Variants in GBA1 observed in about 807,000 individuals in gnomAD.
GBA1 encodes the protein lysosomal acid glucosylceramidase.
chr1:155,242,468 T>C, the GBA1 span, among the ~76,000 whole-genome samples: 2 of 151,628 alleles, frequency 1.3e-5, no homozygotes, highest in Admixed American at 6.6e-5. Context: ...GGTGATCTGC[T>C]GCCTTGGTAT....
At chr1:155,240,238 C>T in the GBA1 span, 30 of 661,848 alleles carry the variant, frequency 4.5e-5, no homozygotes, top group African/African-American at 2.1e-4. Flanking sequence ...CCGAGGTGGG[C>T]GGATCACCTG....
chr1:155,237,413 G>A, the GBA1 span: 1 of 1,614,004 alleles, frequency 6.2e-7, no homozygotes, highest in Non-Finnish European at 8.5e-7. Flanking sequence ...GGTGAGTACT[G>A]TTGGCGAGGG....
At chr1:155,236,128 C>T in the GBA1 span, 2 of 946,498 alleles carry the variant, frequency 2.1e-6, no homozygotes, top group Non-Finnish European at 3.4e-6. Context: ...CCCAGAGTTG[C>T]TCAAAAGGGC....
chr1:155,235,377 TCACC>T, the GBA1 span: 1 of 1,597,580 alleles, frequency 6.3e-7, no homozygotes, highest in Admixed American at 1.8e-5. Context: ...ATCTAAGAAG[TCACC>T]CACCCACGGA....
the GBA1 span, chr1:155,235,854 G>T: frequency 6.2e-7 from 1 of 1,614,238 alleles, no homozygotes; most frequent in Non-Finnish European, 8.5e-7. Context: ...TCTAGGGTAA[G>T]GACAAAGGCA....
the GBA1 span, among the ~76,000 whole-genome samples, chr1:155,241,449 G>C: frequency 3.9e-5 from 6 of 152,220 alleles, no homozygotes; most frequent in African/African-American, 1.4e-4. Context: ...TGGAGAATGG[G>C]GTAGAGGCTC....
chr1:155,236,277 G>C, the GBA1 span: 1 of 1,614,110 alleles, frequency 6.2e-7, no homozygotes, highest in South Asian at 1.1e-5. Context: ...TGCATCCCTC[G>C]ATCCCAGGAG....
the GBA1 span, chr1:155,240,557 T>C: frequency 8.5e-7 from 1 of 1,180,312 alleles, no homozygotes; most frequent in Non-Finnish European, 1.3e-6. Flanking sequence ...ACCAGCTTAC[T>C]GGAAGGCTAC....
At chr1:155,242,005 T>A in the GBA1 span, among the ~76,000 whole-genome samples, 2 of 152,210 alleles carry the variant, frequency 1.3e-5, no homozygotes, top group Non-Finnish European at 2.9e-5. Context: ...GAGGAAGCTG[T>A]CCATGGTGTG....
chr1:155,236,605 T>G, the GBA1 span: 1 of 738,088 alleles, frequency 1.4e-6, no homozygotes, highest in Non-Finnish European at 2.4e-6. Context: ...TTTTTGTTTT[T>G]GAGACAGGAT....
chr1:155,241,406 A>T, the GBA1 span: 1 of 513,270 alleles, frequency 1.9e-6, no homozygotes, highest in Non-Finnish European at 3.5e-6. Context: ...TATGGGTGAC[A>T]ACTTTAGGAA....
At chr1:155,236,821 A>G in the GBA1 span, among the ~76,000 whole-genome samples, 1 of 151,870 alleles carries the variant, frequency 6.6e-6, no homozygotes, top group African/African-American at 2.4e-5. Flanking sequence ...ATATATATGT[A>G]TATACACATA....
At chr1:155,235,850 G>A in the GBA1 span, 1 of 1,614,232 alleles carries the variant, frequency 6.2e-7, no homozygotes, top group East Asian at 2.2e-5. Context: ...AGGTTCTAGG[G>A]TAAGGACAAA....
At chr1:155,235,494 G>A in the GBA1 span, 4 of 1,016,400 alleles carry the variant, frequency 3.9e-6, no homozygotes. Context: ...CCAGCCTCAG[G>A]CATTGGGGTT....
At chr1:155,239,943 T>A in the GBA1 span, 1 of 1,614,118 alleles carries the variant, frequency 6.2e-7, no homozygotes, top group African/African-American at 1.3e-5. Flanking sequence ...CGTCGCCCAC[T>A]GCGTGTACTC....
the GBA1 span, chr1:155,238,259 T>C: frequency 1.9e-6 from 3 of 1,609,890 alleles, no homozygotes; most frequent in East Asian, 6.7e-5. Flanking sequence ...TGGCAAGGAG[T>C]GAAACGGGAC....
chr1:155,236,761 A>G, the GBA1 span, among the ~76,000 whole-genome samples: 2 of 150,760 alleles, frequency 1.3e-5, no homozygotes, highest in East Asian at 3.9e-4. Flanking sequence ...TTGTGTGTGT[A>G]TGTGTGTGTA....
chr1:155,238,144 A>G, the GBA1 span: 2 of 1,614,224 alleles, frequency 1.2e-6, no homozygotes, highest in Non-Finnish European at 8.5e-7. Context: ...TTCACAAAGT[A>G]TCTGGCCCAG....
chr1:155,243,609 C>T, the GBA1 span, among the ~76,000 whole-genome samples: 3 of 152,040 alleles, frequency 2.0e-5, no homozygotes, highest in Non-Finnish European at 4.4e-5. Flanking sequence ...GGACTATAGG[C>T]GCACACCACC....
Sources: gnomAD v4.1 joint callset for allele counts (sites outside exome capture counted in the v4.1 genomes callset) on GRCh38, gnomAD v4.1.1 for gene constraint, MANE v1.5 for transcripts, NCBI Gene and HGNC (gene_info 2026-07-23, HGNC 2026-07-21) for gene names.